Variants in TENM3 observed in about 807,000 individuals in gnomAD.
TENM3 encodes teneurin-3.
A neutral mutation model predicts 255.1 loss-of-function variants in TENM3; 63 were observed. The observed-to-expected ratio is 0.25, with a 90% CI of 0.20 to 0.30. TENM3 has a LOEUF of 0.30. Ranked by LOEUF, TENM3 falls within the 10% of genes least tolerant of loss-of-function variation. The pLI, the probability that TENM3 is intolerant of heterozygous loss-of-function variation, is 1.00. For missense variants in TENM3, 2,929 were observed against 3,461.1 expected, an observed-to-expected ratio of 0.85 and a Z score of 3.86; for synonymous variants, 1,306 against 1,322.3, an observed-to-expected ratio of 0.99 and a Z score of 0.27.
chr4:181,517,451 G>T, the TENM3 span, among the ~76,000 whole-genome samples: 62,821 of 151,974 alleles, frequency 0.41, 13,825 homozygotes, highest in South Asian at 0.63. Flanking sequence ...AAAGAGAGCA[G>T]AGAAGTTAGC....
the TENM3 span, among the ~76,000 whole-genome samples, chr4:181,985,722 T>G: frequency 6.6e-6 from 1 of 152,266 alleles, no homozygotes; most frequent in African/African-American, 2.4e-5. Context: ...CAACAAAATG[T>G]GGGGTTTTTT....
At chr4:182,515,973 G>A (rs1004042836) in intron 3 of TENM3, among the ~76,000 whole-genome samples, 15 of 152,310 alleles carry the variant, frequency 9.8e-5, no homozygotes, top group Admixed American at 3.9e-4. Flanking sequence ...AAGTCATAGC[G>A]TGGTTATGCT....
the TENM3 span, among the ~76,000 whole-genome samples, chr4:181,749,517 A>T: frequency 6.6e-6 from 1 of 152,316 alleles, no homozygotes; most frequent in Admixed American, 6.5e-5. Flanking sequence ...ATTCAAAAGC[A>T]AAATGTTTGA....
the TENM3 span, among the ~76,000 whole-genome samples, chr4:181,643,958 C>T: frequency 1.3e-5 from 2 of 151,750 alleles, no homozygotes; most frequent in African/African-American, 2.4e-5. Flanking sequence ...GTGGTGCATG[C>T]CCACCTACTT....
chr4:182,066,693 A>G, the TENM3 span, among the ~76,000 whole-genome samples: 2,090 of 151,396 alleles, frequency 0.014, 80 homozygotes, highest in East Asian at 0.16. Flanking sequence ...GGCGGATCAC[A>G]AGGTCAGGAG....
the TENM3 span, among the ~76,000 whole-genome samples, chr4:182,035,103 A>T: frequency 6.6e-6 from 1 of 151,988 alleles, no homozygotes; most frequent in Non-Finnish European, 1.5e-5. Flanking sequence ...ATCTTTTAAC[A>T]TTGTGAGATA....
At chr4:182,642,988 G>C (rs980685206) in intron 5 of TENM3, among the ~76,000 whole-genome samples, 1 of 152,144 alleles carries the variant, frequency 6.6e-6, no homozygotes, top group Admixed American at 6.5e-5. Flanking sequence ...ACACGTATAT[G>C]AACACAGCAG....
At chr4:182,487,370 C>T (rs1734861195) in intron 3 of TENM3, among the ~76,000 whole-genome samples, 1 of 152,140 alleles carries the variant, frequency 6.6e-6, no homozygotes, top group Non-Finnish European at 1.5e-5. Context: ...CTGTATTTAA[C>T]TATCGCATAT....
intron 22 of TENM3, among the ~76,000 whole-genome samples, chr4:182,760,857 C>A (rs940842783): frequency 6.6e-6 from 1 of 152,158 alleles, no homozygotes; most frequent in African/African-American, 2.4e-5. Context: ...GAGAAGGGAT[C>A]CCCGAAGAGG....
chr4:181,772,580 T>C, the TENM3 span, among the ~76,000 whole-genome samples: 1 of 152,158 alleles, frequency 6.6e-6, no homozygotes, highest in Non-Finnish European at 1.5e-5. Context: ...TAGTTCAACT[T>C]CATCAAGGAA....
At chr4:182,617,125 T>C (rs1476195692) in intron 4 of TENM3, among the ~76,000 whole-genome samples, 1 of 152,178 alleles carries the variant, frequency 6.6e-6, no homozygotes, top group Non-Finnish European at 1.5e-5. Flanking sequence ...GCGTGGGTAA[T>C]AGTTAATATC....
chr4:182,580,066 A>G (rs968345817), intron 3 of TENM3, among the ~76,000 whole-genome samples: 1 of 152,186 alleles, frequency 6.6e-6, no homozygotes, highest in African/African-American at 2.4e-5. Flanking sequence ...GGTGAGGACC[A>G]TTAGAGGACA....
chr4:181,811,373 G>A, the TENM3 span, among the ~76,000 whole-genome samples: 1 of 152,164 alleles, frequency 6.6e-6, no homozygotes, highest in East Asian at 1.9e-4. Flanking sequence ...GCCCACAGAA[G>A]TGGTAATTAA....
the TENM3 span, among the ~76,000 whole-genome samples, chr4:181,539,606 A>C: frequency 5.3e-5 from 8 of 152,324 alleles, no homozygotes; most frequent in African/African-American, 1.2e-4. Flanking sequence ...AAAATGAGTA[A>C]GGAAATTGTT....
chr4:181,589,883 G>A, the TENM3 span, among the ~76,000 whole-genome samples: 1 of 152,170 alleles, frequency 6.6e-6, no homozygotes, highest in African/African-American at 2.4e-5. Flanking sequence ...CTAGTATCGA[G>A]AGGACATCTC....
chr4:181,698,027 C>G, the TENM3 span, among the ~76,000 whole-genome samples: 13 of 151,588 alleles, frequency 8.6e-5, no homozygotes, highest in Non-Finnish European at 1.8e-4. Context: ...GGCCTGGCCA[C>G]CATAGTGAAA....
the TENM3 span, among the ~76,000 whole-genome samples, chr4:181,619,756 C>A: frequency 5.3e-5 from 8 of 152,186 alleles, no homozygotes; most frequent in South Asian, 1.7e-3. Context: ...CAAATCAATG[C>A]GCATGTCAAC....
chr4:181,496,514 CT>C, the TENM3 span, among the ~76,000 whole-genome samples: 1 of 152,130 alleles, frequency 6.6e-6, no homozygotes, highest in African/African-American at 2.4e-5. Flanking sequence ...ATTATTTTAA[CT>C]GTTCCTTATT....
chr4:182,595,650 GAA>G (rs1240483606), intron 3 of TENM3, among the ~76,000 whole-genome samples: 1 of 152,140 alleles, frequency 6.6e-6, no homozygotes, highest in Non-Finnish European at 1.5e-5. Context: ...CACGTGGAAA[GAA>G]AGAGTAAATT....
Sources: gnomAD v4.1 joint callset for allele counts (sites outside exome capture counted in the v4.1 genomes callset) on GRCh38, gnomAD v4.1.1 for gene constraint, MANE v1.5 for transcripts, NCBI Gene and HGNC (gene_info 2026-07-23, HGNC 2026-07-21) for gene names.